PPP1R21: variants seen among roughly 807,000 people sequenced by gnomAD.
The protein encoded by PPP1R21 is KLRAQ motif containing 1.
In PPP1R21, 85 loss-of-function variants were observed where a neutral mutation model predicts 112.8. The observed-to-expected ratio is 0.75, with a 90% CI of 0.63 to 0.90. PPP1R21 has a LOEUF of 0.90. PPP1R21 is among the 40% of genes least tolerant of loss of function. The pLI, the probability that PPP1R21 is intolerant of heterozygous loss-of-function variation, is 0.00. For synonymous variants in PPP1R21, 381 were observed against 322.3 expected (o/e 1.18, Z -1.95); for missense variants, 1,199 against 901.5 (o/e 1.33, Z -4.23).
rs544440957 is a variant in PPP1R21 at position 48,473,157 on chromosome 2, A to T, written c.1089-1526A>T. Reference sequence around the variant, plus strand: ...TCTTTCCTAATTCTATCCTTACAAGATATTTCAGTAACAAAATTCTGTGAT... The same window carrying T: ...TCTTTCCTAATTCTATCCTTACAAGTTATTTCAGTAACAAAATTCTGTGAT... On this transcript the variant is annotated intron_variant, in intron 11 of 21. Transcript: ENST00000294952. 4.6e-5 allele frequency among the ~76,000 whole-genome samples: 7 copies of T among 152,046 alleles called. No homozygotes were observed. The South Asian group carries it at 1.4e-3, about 31-fold the overall frequency.
At chr2:48,452,836 A>G (rs1395325468) in intron 2 of PPP1R21, among the ~76,000 whole-genome samples, 1 of 152,244 alleles carries the variant, frequency 6.6e-6, no homozygotes, top group African/African-American at 2.4e-5. Context: ...AAATGTAGGA[A>G]AAAAATTATT....
intron 16 of PPP1R21, among the ~76,000 whole-genome samples, chr2:48,497,321 A>G (rs146531777): frequency 1.8e-4 from 28 of 152,310 alleles, no homozygotes; most frequent in African/African-American, 6.3e-4. Flanking sequence ...AAAGTGTGAG[A>G]ACAGAGGAAA....
chr2:48,511,273 A>T, intron 20 of PPP1R21, 67 bp from the exon 21 acceptor site: 2 of 1,493,370 alleles, frequency 1.3e-6, no homozygotes, highest in Non-Finnish European at 9.0e-7. Flanking sequence ...TCTTTTGTGA[A>T]TTAAAAAAGC....
intron 17 of PPP1R21, among the ~76,000 whole-genome samples, chr2:48,503,760 A>G (rs1670239239): frequency 6.6e-6 from 1 of 151,996 alleles, no homozygotes; most frequent in Admixed American, 6.6e-5. Context: ...AGCCTGGCCA[A>G]CATGGTGAAA....
intron 4 of PPP1R21, among the ~76,000 whole-genome samples, chr2:48,458,967 C>T (rs1301913299): frequency 6.6e-6 from 1 of 151,790 alleles, no homozygotes; most frequent in Non-Finnish European, 1.5e-5. Context: ...TGGTAGACAC[C>T]TGTAGTCCCA....
At position 48,491,062 on chromosome 2, in the gene PPP1R21, A is replaced by G; in HGVS notation, c.1491A>G (p.Ser497=). The change falls in exon 15 of 22, where the codon TCA becomes TCG. Residue 497 remains serine (S), a synonymous_variant. Transcript: ENST00000294952. Reference sequence around the variant, plus strand: ...ACAATTTGGACTACTTCATTGCTTCACTGAGCTATGGACCTAAGGCAGCGA... The same window carrying G: ...ACAATTTGGACTACTTCATTGCTTCGCTGAGCTATGGACCTAAGGCAGCGA... The part of the protein sequence containing the change: ...FSNNLDYFIA[S]LSYGPKAASG... The G allele has an allele frequency of 6.2e-7, 1 of 1,613,876 alleles. No individual in the cohort carries two copies. The highest frequency in any genetic ancestry group is 8.5e-7 in the Non-Finnish European group (1 of 1,179,740).
intron 9 of PPP1R21, among the ~76,000 whole-genome samples, chr2:48,469,416 CAT>C (rs1245050251): frequency 3.3e-5 from 2 of 60,404 alleles, no homozygotes; most frequent in African/African-American, 5.4e-5. Context: ...AGAGAGAGAG[CAT>C]ATATATATAG....
At position 48,498,741 on chromosome 2, in the gene PPP1R21, T is replaced by A; in HGVS notation, c.1935+6T>A. On this transcript the variant is annotated splice_donor_region_variant and intron_variant, in intron 17 of 21. Coordinates refer to ENST00000294952, the MANE Select transcript of PPP1R21 (RefSeq NM_001135629.3). ...CCATTCAGAGCACCAGTCTAGTAAG[T>A]GTCTTCTTGGTTGTCCTCAGTTTTC... The A allele has an allele frequency of 1.9e-6, 3 of 1,613,266 alleles. No homozygotes were observed. Among genetic ancestry groups the A allele is most frequent in the Non-Finnish European group, 2.5e-6 (3 of 1,179,342 alleles).
chr2:48,461,370 G>A (rs1667972513), intron 7 of PPP1R21, 138 bp downstream of exon 7: 3 of 1,270,598 alleles, frequency 2.4e-6, no homozygotes, highest in Non-Finnish European at 3.0e-6. Context: ...TTGTTCATTT[G>A]ATCAGCCGTG....
intron 15 of PPP1R21, among the ~76,000 whole-genome samples, chr2:48,494,564 C>A (rs1669731801): frequency 6.7e-6 from 1 of 150,030 alleles, no homozygotes; most frequent in Non-Finnish European, 1.5e-5. Context: ...AGGATCCTGC[C>A]ACCTCCCCCG....
At chr2:48,483,195 CTTTTTTTTTTTTTTT>C (rs755036470) in intron 13 of PPP1R21, among the ~76,000 whole-genome samples, 6 of 80,892 alleles carry the variant, frequency 7.4e-5, no homozygotes, top group African/African-American at 3.1e-4. Context: ...CTTTTTTTTC[CTTTTTTTTTTTTTTT>C]TTTTTTTTTG....
chr2:48,453,464 A>G (rs1667573278), intron 2 of PPP1R21, among the ~76,000 whole-genome samples: 1 of 152,176 alleles, frequency 6.6e-6, no homozygotes, highest in African/African-American at 2.4e-5. Flanking sequence ...AAGTGCTGGG[A>G]TTACAGGCAT....
In PPP1R21 at chr2:48,440,780, C is replaced by A; in HGVS notation, c.-174C>A. 3.2e-6 allele frequency: 2 copies of A among 616,302 alleles called. No individual in the cohort carries two copies. The highest frequency in any genetic ancestry group is 5.8e-6 in the Non-Finnish European group (2 of 347,510). The allele number at this position is 616,302 out of a possible 1,614,324, so 38.2% of individuals were successfully genotyped here. ...CCCCCGGCCCCACTCCACCTTCCTCCCACCCCGGGAACCCGGAAGTGGAGG... is the reference window on the plus strand; with the variant it reads ...CCCCCGGCCCCACTCCACCTTCCTCACACCCCGGGAACCCGGAAGTGGAGG... On this transcript the variant is annotated 5_prime_UTR_variant, in exon 1 of 22. Coordinates refer to ENST00000294952, the MANE Select transcript of PPP1R21 (RefSeq NM_001135629.3).
chr2:48,487,445 T>A (rs976066919), intron 14 of PPP1R21, among the ~76,000 whole-genome samples: 1 of 152,128 alleles, frequency 6.6e-6, no homozygotes, highest in African/African-American at 2.4e-5. Flanking sequence ...CACTATAAAC[T>A]AACTAAAGTG....
chr2:48,495,638 A>T, intron 15 of PPP1R21, 41 bp from the exon 16 acceptor site: 1 of 1,102,244 alleles, frequency 9.1e-7, no homozygotes, highest in Non-Finnish European at 1.4e-6. Context: ...GAGGGGTGAT[A>T]CAATATTTTT....
chr2:48,498,867 T>A, intron 17 of PPP1R21, 132 bp downstream of exon 17: 2 of 929,038 alleles, frequency 2.2e-6, no homozygotes, highest in Non-Finnish European at 3.2e-6. Flanking sequence ...GAGCATCTTG[T>A]AAATCACAGA....
At chr2:48,450,922 A>T in intron 1 of PPP1R21, 86 bp from the exon 2 acceptor site, 2 of 1,085,770 alleles carry the variant, frequency 1.8e-6, no homozygotes, top group South Asian at 1.3e-5. Context: ...TACTCAGTGT[A>T]ATGATGCCTG....
chr2:48,450,802 C>T (rs745371124), intron 1 of PPP1R21, among the ~76,000 whole-genome samples: 2 of 151,662 alleles, frequency 1.3e-5, no homozygotes, highest in Non-Finnish European at 2.9e-5. Flanking sequence ...CATTGGGCAA[C>T]TCAGCCTGTG....
intron 19 of PPP1R21, among the ~76,000 whole-genome samples, chr2:48,509,242 G>A (rs534880723): frequency 6.6e-6 from 1 of 152,046 alleles, no homozygotes; most frequent in Admixed American, 6.6e-5. Flanking sequence ...GGGTAGGATG[G>A]TAAAGCTTTT....
Sources: allele counts gnomAD v4.1 joint callset (sites outside exome capture counted in the v4.1 genomes callset), GRCh38; gene constraint gnomAD v4.1.1; transcripts MANE v1.5; gene names NCBI Gene and HGNC (gene_info 2026-07-23, HGNC 2026-07-21).